The following GABBR2 variants were observed in gnomAD, a reference collection of about 807,000 sequenced individuals.
The protein encoded by GABBR2 is gamma-aminobutyric acid type B receptor subunit 2, also known as G-protein coupled receptor 51.
A neutral mutation model predicts 105.6 loss-of-function variants in GABBR2; 23 were observed. The observed-to-expected ratio is 0.22, with a 90% CI of 0.16 to 0.31. The LOEUF is 0.31. Ranked by LOEUF, GABBR2 falls within the 10% of genes least tolerant of loss-of-function variation. GABBR2 has a pLI of 1.00. For missense variants in GABBR2, 734 were observed against 1,245.5 expected, an observed-to-expected ratio of 0.59 and a Z score of 6.18; for synonymous variants, 478 against 499.7, an observed-to-expected ratio of 0.96 and a Z score of 0.58.
chr9:98,408,318 G>A (rs187910440), intron 7 of GABBR2, among the ~76,000 whole-genome samples: 1 of 152,328 alleles, frequency 6.6e-6, no homozygotes, highest in East Asian at 1.9e-4. Flanking sequence ...ACCGATGAGA[G>A]AAAGTAGAGG....
In GABBR2 at chr9:98,473,136, A is replaced by G. The variant is rs373565022; in HGVS notation, c.999+10T>C. ...GGCCAGAAGGTTGAAATGGGGACCA[A>G]GGCACTGACCTTTCCTGAGATGGTC... On this transcript the variant is annotated intron_variant, in intron 6 of 18. Transcript: ENST00000259455. 4 of 1,606,976 alleles carry G rather than the reference A, an allele frequency of 2.5e-6. No homozygotes were observed. Among genetic ancestry groups the G allele is most frequent in the Non-Finnish European group, 3.4e-6 (4 of 1,173,976 alleles).
intron 1 of GABBR2, among the ~76,000 whole-genome samples, chr9:98,591,830 C>T (rs1829149944): frequency 7.0e-6 from 1 of 143,282 alleles, no homozygotes; most frequent in South Asian, 2.1e-4. Flanking sequence ...TCCAGACCTG[C>T]CACTGCCTCA....
chr9:98,646,985 G>C (rs550499792), intron 1 of GABBR2, among the ~76,000 whole-genome samples: 2 of 152,190 alleles, frequency 1.3e-5, no homozygotes, highest in Non-Finnish European at 2.9e-5. Context: ...CTATCCAGGG[G>C]TCCCCCATGA....
intron 7 of GABBR2, among the ~76,000 whole-genome samples, chr9:98,415,589 G>C (rs1281082509): frequency 6.6e-6 from 1 of 152,204 alleles, no homozygotes; most frequent in Non-Finnish European, 1.5e-5. Context: ...GTGCAGAGAT[G>C]ATATTGTGCA....
At chr9:98,356,066 C>T (rs73657152) in intron 13 of GABBR2, among the ~76,000 whole-genome samples, 3,764 of 152,248 alleles carry the variant, frequency 0.025, 148 homozygotes, top group African/African-American at 0.087. Context: ...AAATGGGTCA[C>T]AGGCCTAAAT....
intron 2 of GABBR2, among the ~76,000 whole-genome samples, chr9:98,549,368 T>C (rs1352717677): frequency 1.7e-5 from 1 of 57,494 alleles, no homozygotes; most frequent in Non-Finnish European, 4.6e-5. Context: ...TTTATTTATT[T>C]AGTAAACCAT....
At chr9:98,385,808 G>T (rs748142181) in intron 10 of GABBR2, 36 bp from the exon 11 acceptor site, 6 of 1,565,044 alleles carry the variant, frequency 3.8e-6, no homozygotes, top group Non-Finnish European at 4.4e-6. Context: ...TTAACAGAAT[G>T]GTTAATTTAG....
chr9:98,672,726 A>G (rs1218121735), intron 1 of GABBR2, among the ~76,000 whole-genome samples: 1 of 152,224 alleles, frequency 6.6e-6, no homozygotes, highest in Non-Finnish European at 1.5e-5. Context: ...CTTTTCTTTA[A>G]TTAAATTATC....
At chr9:98,626,616 T>A (rs1166156539) in intron 1 of GABBR2, among the ~76,000 whole-genome samples, 2 of 152,178 alleles carry the variant, frequency 1.3e-5, no homozygotes, top group African/African-American at 4.8e-5. Context: ...CTTATATCTC[T>A]TAGGACTATG....
intron 1 of GABBR2, among the ~76,000 whole-genome samples, chr9:98,631,640 G>A (rs1437350007): frequency 6.6e-6 from 1 of 152,168 alleles, no homozygotes; most frequent in Non-Finnish European, 1.5e-5. Context: ...TAGTTAGAAT[G>A]TAATTTCAAT....
chr9:98,338,735 A>C (rs548033246), intron 13 of GABBR2, among the ~76,000 whole-genome samples: 101 of 152,218 alleles, frequency 6.6e-4, no homozygotes, highest in Admixed American at 1.2e-3. Flanking sequence ...AAATGTTAAC[A>C]TGAGTTAACA....
At chr9:98,514,662 G>A (rs1389201891) in intron 3 of GABBR2, among the ~76,000 whole-genome samples, 1 of 108,522 alleles carries the variant, frequency 9.2e-6, no homozygotes, top group Non-Finnish European at 1.9e-5. Context: ...GGTGGGGGGA[G>A]GGGGGAGGGA....
rs1045946474 is a variant in GABBR2, at chr9:98,289,700, CTT to C, written c.*882_*883del. On this transcript the variant is annotated 3_prime_UTR_variant, in exon 19 of 19. Coordinates refer to ENST00000259455, the MANE Select transcript of GABBR2 (RefSeq NM_005458.8). The stretch of plus-strand genomic sequence containing the variant: ...GATGAGAGAGGTTAAAGTGCACAAT[CTT>C]TCTTTATCGTGTTTGCTGGGAACAG... The C allele has an allele frequency of 2.6e-5, 4 of 152,390 alleles. No homozygotes were observed. The highest frequency in any genetic ancestry group is 6.6e-5 in the Admixed American group (1 of 15,258). The allele number at this position is 152,390 out of a possible 1,614,324, so 9.4% of individuals were successfully genotyped here. A position where few individuals can be genotyped will look rare whatever the true frequency, so the allele number is the denominator to read the frequency against.
intron 15 of GABBR2, among the ~76,000 whole-genome samples, chr9:98,304,925 C>CTT: frequency 1.0e-5 from 1 of 97,778 alleles, no homozygotes; most frequent in African/African-American, 4.2e-5. Flanking sequence ...GTGTGTACCA[C>CTT]CACACCTGGC....
At chr9:98,518,955 G>A (rs1175045492) in intron 3 of GABBR2, among the ~76,000 whole-genome samples, 1 of 152,202 alleles carries the variant, frequency 6.6e-6, no homozygotes, top group Non-Finnish European at 1.5e-5. Flanking sequence ...TGGGAGCAGG[G>A]TCTGAAACTG....
intron 1 of GABBR2, among the ~76,000 whole-genome samples, chr9:98,698,745 G>A (rs1336915866): frequency 1.3e-5 from 2 of 152,118 alleles, no homozygotes; most frequent in South Asian, 2.1e-4. Context: ...TGATCCACCC[G>A]CTTCGGCCTC....
At chr9:98,524,797 A>C (rs568650965) in intron 3 of GABBR2, among the ~76,000 whole-genome samples, 48 of 152,024 alleles carry the variant, frequency 3.2e-4, no homozygotes, top group African/African-American at 1.1e-3. Context: ...ACTTTTAAAA[A>C]CCTAAGTCAG....
intron 2 of GABBR2, among the ~76,000 whole-genome samples, chr9:98,556,447 G>A (rs1828585337): frequency 6.6e-6 from 1 of 152,204 alleles, no homozygotes; most frequent in African/African-American, 2.4e-5. Context: ...TCTGAAATGT[G>A]CTTCATGGTC....
intron 8 of GABBR2, among the ~76,000 whole-genome samples, chr9:98,398,735 C>T (rs548378035): frequency 2.4e-4 from 36 of 151,910 alleles, no homozygotes; most frequent in Non-Finnish European, 4.3e-4. Flanking sequence ...CCAATCTGCT[C>T]CCTCTCCCTC....
Sources: allele counts gnomAD v4.1 joint callset (sites outside exome capture counted in the v4.1 genomes callset), GRCh38; gene constraint gnomAD v4.1.1; transcripts MANE v1.5; gene names NCBI Gene and HGNC (gene_info 2026-07-23, HGNC 2026-07-21).